Variants in CACNA1C observed in about 807,000 individuals in gnomAD.
CACNA1C encodes voltage-dependent L-type calcium channel subunit alpha-1C.
In CACNA1C, 30 loss-of-function variants were observed where a neutral mutation model predicts 229.0. The observed-to-expected ratio is 0.13, with a 90% CI of 0.10 to 0.18. CACNA1C has a LOEUF of 0.18. Among genes scored for constraint, CACNA1C ranks in the 10% least tolerant of loss-of-function variants. The probability of loss-of-function intolerance (pLI) is 1.00; values close to 1 mark genes in which losing one functional copy is unlikely to be tolerated. For missense variants in CACNA1C, 1,658 were observed against 2,845.0 expected, an observed-to-expected ratio of 0.58 and a Z score of 9.49; for synonymous variants, 1,114 against 1,132.5, an observed-to-expected ratio of 0.98 and a Z score of 0.33.
Position 2,601,204 on chromosome 12 carries a change from T to C in CACNA1C, c.2854-650T>C, listed in dbSNP as rs902760779. 6.6e-5 allele frequency among the ~76,000 whole-genome samples: 10 copies of C among 152,130 alleles called. No individual in the cohort carries two copies. The highest frequency in any genetic ancestry group is 1.3e-4 in the Non-Finnish European group (9 of 68,024). ...ATTTGGCATCAATAATAAGCACCCTTTGAGGCCAGGAAGGGGAGGTATGCT... is the reference window on the plus strand; with the variant it reads ...ATTTGGCATCAATAATAAGCACCCTCTGAGGCCAGGAAGGGGAGGTATGCT... On this transcript the variant is annotated intron_variant, in intron 21 of 46. Transcript: ENST00000399655. This position sits in a 1 kb window ranked among gnomAD's most constrained non-coding sequence, Gnocchi z 5.9.
At chr12:2,509,638 C>G (rs1043809884) in intron 8 of CACNA1C, among the ~76,000 whole-genome samples, 6 of 152,184 alleles carry the variant, frequency 3.9e-5, no homozygotes, top group African/African-American at 1.4e-4. Flanking sequence ...CACATCATAG[C>G]CCTCCTACGC....
chr12:2,550,844 G>A (rs745438947), intron 10 of CACNA1C, among the ~76,000 whole-genome samples: 4 of 152,168 alleles, frequency 2.6e-5, no homozygotes, highest in Non-Finnish European at 4.4e-5. Context: ...CCCATGTTGG[G>A]GAGGGAGAAT....
Position 2,136,631 on chromosome 12 carries a change from T to A in CACNA1C, c.477+16201T>A, listed in dbSNP as rs564237239. Among the ~76,000 whole-genome samples, 13 of 151,222 alleles carry A rather than the reference T, an allele frequency of 8.6e-5. 1 individual carries two copies. In the East Asian group the frequency reaches 1.7e-3, roughly 20 times the overall value. Reference sequence around the variant, plus strand: ...GCAACAGTGAAGGAGGGAGTGAACGTCCCCAGGCTGGGTGGTGTCTGTAGG... The same window carrying A: ...GCAACAGTGAAGGAGGGAGTGAACGACCCCAGGCTGGGTGGTGTCTGTAGG... On this transcript the variant is annotated intron_variant, in intron 3 of 46. Transcript: ENST00000399655.
In CACNA1C at chr12:2,630,696, C is replaced by T. The variant is rs1318673967; in HGVS notation, c.3829-3601C>T. Among the ~76,000 whole-genome samples, 1 of 152,198 alleles carries T rather than the reference C, an allele frequency of 6.6e-6. No individual in the cohort carries two copies. The highest frequency in any genetic ancestry group is 2.4e-5 in the African/African-American group (1 of 41,432). ...TTTGTGCCCAGACATGTACCCTCAC[C>T]CACTGCATTCCAGCTCTGTGGAAAT... is the stretch of plus-strand genomic sequence containing the variant. On this transcript the variant is annotated intron_variant, in intron 29 of 46. Transcript: ENST00000399655. The surrounding 1 kb of genome is among the most constrained non-coding windows in gnomAD (Gnocchi z 5.4).
rs1042405249 is a variant in CACNA1C, at chr12:2,053,434, C to T, written c.-129C>T. Reference sequence around the variant, plus strand: ...GCGGGGAAGAAGAAACGCTGCAGACCACGGCTTCCTCGAATCTTGCGCGAA... The same window carrying T: ...GCGGGGAAGAAGAAACGCTGCAGACTACGGCTTCCTCGAATCTTGCGCGAA... On this transcript the variant is annotated 5_prime_UTR_variant, in exon 1 of 47. Transcript: ENST00000399655. This position sits in a 1 kb window ranked among gnomAD's most constrained non-coding sequence, Gnocchi z 5.8. The T allele has an allele frequency of 1.7e-5, 25 of 1,451,436 alleles. No individual in the cohort carries two copies. The African/African-American group carries it at 2.2e-4, about 13-fold the overall frequency. 89.9% of individuals were successfully genotyped at this position (1,451,436 alleles called of 1,614,324 possible). A position where few individuals can be genotyped will look rare whatever the true frequency, so the allele number is the denominator to read the frequency against.
Position 2,651,363 on chromosome 12 carries a change from T to G in CACNA1C, c.3946-277T>G. On this transcript the variant is annotated intron_variant, in intron 31 of 46. Coordinates refer to ENST00000399655, the MANE Select transcript of CACNA1C (RefSeq NM_000719.7). This position sits in a 1 kb window ranked among gnomAD's most constrained non-coding sequence, Gnocchi z 5.4. ...AGTCGTCTGTCCTCCATCCAGGGCA[T>G]TAAGAACTAGGAATGAAGGGGAATC... 1.8e-6 allele frequency: 1 copy of G among 542,488 alleles called. No homozygotes were observed. The allele number at this position is 542,488 out of a possible 1,614,324, so 33.6% of individuals were successfully genotyped here. A position where few individuals can be genotyped will look rare whatever the true frequency, so the allele number is the denominator to read the frequency against.
chr12:2,185,408 G>T (rs1265194152), intron 3 of CACNA1C, among the ~76,000 whole-genome samples: 2 of 152,160 alleles, frequency 1.3e-5, no homozygotes, highest in Non-Finnish European at 2.9e-5. Flanking sequence ...GCTGAGTTGG[G>T]TCCCCCCAAA....
At chr12:2,335,644 A>G (rs1276002611) in intron 3 of CACNA1C, among the ~76,000 whole-genome samples, 2 of 152,156 alleles carry the variant, frequency 1.3e-5, no homozygotes, top group Non-Finnish European at 2.9e-5. Context: ...CAGGGCAAGC[A>G]TCAGAAACAC....
intron 10 of CACNA1C, among the ~76,000 whole-genome samples, chr12:2,551,955 G>T (rs2099905292): frequency 6.6e-6 from 1 of 152,170 alleles, no homozygotes; most frequent in Non-Finnish European, 1.5e-5. Context: ...CTGAACAAGG[G>T]TGGACACACA....
chr12:2,658,777 A>G (rs903572547), intron 34 of CACNA1C, among the ~76,000 whole-genome samples: 1 of 152,072 alleles, frequency 6.6e-6, no homozygotes, highest in Non-Finnish European at 1.5e-5. Context: ...GGTGGAAGAC[A>G]GTGATGTTGA....
chr12:2,046,280 C>T (rs2051027397), intron 1 of CACNA1C, among the ~76,000 whole-genome samples: 1 of 152,164 alleles, frequency 6.6e-6, no homozygotes, highest in African/African-American at 2.4e-5. Flanking sequence ...TGAGCCTTGA[C>T]TATGTGGTTC....
chr12:2,544,760 G>T (rs1178082280), intron 9 of CACNA1C, among the ~76,000 whole-genome samples: 1 of 152,198 alleles, frequency 6.6e-6, no homozygotes, highest in African/African-American at 2.4e-5. Flanking sequence ...GTGGTAGTTG[G>T]TTGGCGAGAG....
At chr12:2,017,667 T>TTG (rs1334532292) in intron 1 of CACNA1C, among the ~76,000 whole-genome samples, 1 of 151,872 alleles carries the variant, frequency 6.6e-6, no homozygotes, top group African/African-American at 2.4e-5. Flanking sequence ...TCTGTTTTTT[T>TTG]TTTTTCTGAC....
chr12:2,483,391 G>A (rs150100300), intron 5 of CACNA1C, among the ~76,000 whole-genome samples: 6 of 152,268 alleles, frequency 3.9e-5, no homozygotes, highest in African/African-American at 9.6e-5. Flanking sequence ...ACTGGAACCC[G>A]GGAGACCAGT....
chr12:2,635,728 C>T (rs566158661), intron 30 of CACNA1C, among the ~76,000 whole-genome samples: 1 of 152,278 alleles, frequency 6.6e-6, no homozygotes, highest in East Asian at 1.9e-4. Context: ...ACCCTGCTCA[C>T]CCTATAGCTC....
intron 3 of CACNA1C, among the ~76,000 whole-genome samples, chr12:2,430,696 T>C (rs988381642): frequency 2.0e-5 from 3 of 152,152 alleles, no homozygotes; most frequent in African/African-American, 7.2e-5. Flanking sequence ...AGATGCCGCT[T>C]ACTGGTATAC....
chr12:2,190,959 G>A (rs1448202720), intron 3 of CACNA1C, among the ~76,000 whole-genome samples: 1 of 152,168 alleles, frequency 6.6e-6, no homozygotes, highest in Non-Finnish European at 1.5e-5. Context: ...TAGAAAGGGT[G>A]CCAGTCATTT....
At chr12:2,517,238 C>T (rs145535480) in intron 9 of CACNA1C, among the ~76,000 whole-genome samples, 57 of 152,340 alleles carry the variant, frequency 3.7e-4, no homozygotes, top group African/African-American at 1.4e-3. Flanking sequence ...TGGCATGGAG[C>T]GTTGCTCTGC....
chr12:2,441,886 TG>T (rs1269056582), intron 3 of CACNA1C, among the ~76,000 whole-genome samples: 1 of 152,210 alleles, frequency 6.6e-6, no homozygotes, highest in Non-Finnish European at 1.5e-5. Context: ...GGCATTGCTC[TG>T]GTTCAAGAGG....
Sources: allele counts gnomAD v4.1 joint callset (sites outside exome capture counted in the v4.1 genomes callset), GRCh38; gene constraint gnomAD v4.1.1; non-coding constraint Gnocchi (gnomAD v3.1); transcripts MANE v1.5; gene names NCBI Gene and HGNC (gene_info 2026-07-23, HGNC 2026-07-21).